The following TANC1 variants were observed in gnomAD, a reference collection of about 807,000 sequenced individuals.
The protein encoded by TANC1 is protein TANC1.
In TANC1, 77 loss-of-function variants were observed where a neutral mutation model predicts 149.7. The ratio of observed to expected loss-of-function variants is 0.51; its 90% CI spans 0.43 to 0.62. The LOEUF (loss-of-function observed/expected upper bound fraction) is 0.62. Among genes scored for constraint, TANC1 ranks in the 20% least tolerant of loss-of-function variants. The probability of loss-of-function intolerance (pLI) is 0.00; values close to 1 mark genes in which losing one functional copy is unlikely to be tolerated. For synonymous variants in TANC1, 854 were observed against 925.0 expected (o/e 0.92, Z 1.39); for missense variants, 1,985 against 2,321.8 (o/e 0.85, Z 2.98).
At chr2:159,098,657 C>G (rs1309989374) in intron 4 of TANC1, among the ~76,000 whole-genome samples, 1 of 152,082 alleles carries the variant, frequency 6.6e-6, no homozygotes, top group African/African-American at 2.4e-5. Flanking sequence ...GTGGGGGAAA[C>G]AGACTTTGGA....
intron 13 of TANC1, among the ~76,000 whole-genome samples, chr2:159,177,553 A>AT (rs1487590127): frequency 6.6e-6 from 1 of 152,196 alleles, no homozygotes. Flanking sequence ...CATTTTTTAC[A>AT]TAGTAAGCAC....
At chr2:159,091,773 A>G (rs1233194192) in intron 3 of TANC1, among the ~76,000 whole-genome samples, 1 of 152,178 alleles carries the variant, frequency 6.6e-6, no homozygotes, top group African/African-American at 2.4e-5. Context: ...AGAATTAATC[A>G]TGATTGTCTG....
intron 1 of TANC1, among the ~76,000 whole-genome samples, chr2:158,983,484 A>AAC (rs1421053745): frequency 2.7e-5 from 4 of 149,560 alleles, no homozygotes; most frequent in African/African-American, 9.8e-5. Flanking sequence ...AAAAAAAAAA[A>AAC]AAACACCAAA....
chr2:159,088,894 G>C (rs1195239142), intron 3 of TANC1, among the ~76,000 whole-genome samples: 3 of 152,128 alleles, frequency 2.0e-5, no homozygotes, highest in Non-Finnish European at 4.4e-5. Context: ...ACAGAATTTT[G>C]TTCTCAGTCG....
At chr2:159,210,643 T>TGG (rs2058922203) in intron 19 of TANC1, among the ~76,000 whole-genome samples, 3 of 152,034 alleles carry the variant, frequency 2.0e-5, no homozygotes, top group Admixed American at 2.0e-4. Flanking sequence ...CTCGGCTCAC[T>TGG]GCAAGCTCTG....
Position 159,175,178 on chromosome 2 carries a change from A to C in TANC1, c.1729A>C (p.Arg577=), listed in dbSNP as rs1360888375. The C allele has an allele frequency of 1.4e-5, 23 of 1,613,290 alleles. No homozygotes were observed. Among genetic ancestry groups the C allele is most frequent in the Non-Finnish European group, 1.8e-5 (21 of 1,179,370 alleles). ...RGVLEPLTNL[R]NEQKIPEEEY... is the part of the protein sequence containing the mutation. ...AGTGCTGGAGCCACTCACAAACCTG[A>C]GAAATGGTACTTCGCAGCAGCTACC... The change falls in exon 12 of 27, where the codon AGA becomes CGA. Residue 577 remains arginine (R), a synonymous_variant. Coordinates refer to ENST00000263635, the MANE Select transcript of TANC1 (RefSeq NM_033394.3).
chr2:159,145,862 C>T (rs898095886), intron 5 of TANC1, among the ~76,000 whole-genome samples: 3 of 152,144 alleles, frequency 2.0e-5, no homozygotes, highest in Non-Finnish European at 2.9e-5. Context: ...ATCATACAGC[C>T]GTCAGATATT....
At chr2:159,091,969 G>GGGA (rs561460848) in intron 3 of TANC1, among the ~76,000 whole-genome samples, 1 of 145,252 alleles carries the variant, frequency 6.9e-6, no homozygotes, top group Non-Finnish European at 1.5e-5. Context: ...TATAGGGGGG[G>GGGA]GTGTGTGTGT....
chr2:159,154,979 T>G (rs991693265), intron 7 of TANC1, among the ~76,000 whole-genome samples: 1 of 152,226 alleles, frequency 6.6e-6, no homozygotes, highest in African/African-American at 2.4e-5. Flanking sequence ...CCTTTGAATA[T>G]GTCTTGCTTC....
chr2:159,009,071 A>G (rs2037503002), intron 2 of TANC1, among the ~76,000 whole-genome samples: 1 of 152,246 alleles, frequency 6.6e-6, no homozygotes, highest in South Asian at 2.1e-4. Context: ...CCTTTCTTGA[A>G]TAACTAAGAG....
chr2:159,209,403 CAA>C (rs1236171944), intron 19 of TANC1, among the ~76,000 whole-genome samples: 1 of 152,200 alleles, frequency 6.6e-6, no homozygotes, highest in Admixed American at 6.5e-5. Context: ...AAATGCCTAA[CAA>C]AGAACACAGT....
chr2:159,038,283 C>T (rs543308822), intron 2 of TANC1, among the ~76,000 whole-genome samples: 4 of 152,244 alleles, frequency 2.6e-5, no homozygotes, highest in East Asian at 3.9e-4. Flanking sequence ...TAAATATACA[C>T]TCATGTCATC....
intron 26 of TANC1, 60 bp from the exon 27 acceptor site, chr2:159,229,516 CAG>C: frequency 7.6e-7 from 1 of 1,311,324 alleles, no homozygotes; most frequent in Non-Finnish European, 1.1e-6. Context: ...CTTTTATGAA[CAG>C]TTACACTCTG....
chr2:159,046,748 G>C (rs923392483), intron 2 of TANC1, among the ~76,000 whole-genome samples: 3 of 150,986 alleles, frequency 2.0e-5, no homozygotes, highest in African/African-American at 7.3e-5. Context: ...GTACAGGCGC[G>C]AGGCACCAGG....
chr2:159,083,990 G>T (rs993794472), intron 3 of TANC1, among the ~76,000 whole-genome samples: 2 of 152,124 alleles, frequency 1.3e-5, no homozygotes, highest in Non-Finnish European at 2.9e-5. Context: ...GGTGGCTTAC[G>T]CCTGTAATCC....
At chr2:159,154,788 T>A (rs2053242985) in intron 7 of TANC1, among the ~76,000 whole-genome samples, 1 of 152,252 alleles carries the variant, frequency 6.6e-6, no homozygotes, top group Non-Finnish European at 1.5e-5. Context: ...TGGCATTACC[T>A]AGAAGTTGGT....
chr2:159,132,780 C>A (rs1220958070), intron 4 of TANC1, among the ~76,000 whole-genome samples: 1 of 151,742 alleles, frequency 6.6e-6, no homozygotes, highest in Admixed American at 6.6e-5. Context: ...AGGCATGAAC[C>A]ACCGTGCCAG....
intron 2 of TANC1, among the ~76,000 whole-genome samples, chr2:159,047,913 T>A (rs986498818): frequency 1.3e-5 from 2 of 152,244 alleles, no homozygotes; most frequent in Non-Finnish European, 1.5e-5. Context: ...TATAAACAAG[T>A]GTAATAATAC....
At chr2:159,074,968 C>A (rs1245450549) in intron 3 of TANC1, among the ~76,000 whole-genome samples, 1 of 152,044 alleles carries the variant, frequency 6.6e-6, no homozygotes, top group Non-Finnish European at 1.5e-5. Flanking sequence ...TCTAATCTGA[C>A]CTCATCCAAC....
Sources: gnomAD v4.1 joint callset for allele counts (sites outside exome capture counted in the v4.1 genomes callset) on GRCh38, gnomAD v4.1.1 for gene constraint, MANE v1.5 for transcripts, NCBI Gene and HGNC (gene_info 2026-07-23, HGNC 2026-07-21) for gene names.